Variants in IMMP2L observed in about 807,000 individuals in gnomAD.
IMMP2L encodes mitochondrial inner membrane protease subunit 2.
In IMMP2L, 18 loss-of-function variants were observed where a neutral mutation model predicts 19.3. That is an observed-to-expected ratio of 0.93 (90% CI 0.64 to 1.38). IMMP2L has a LOEUF of 1.38. Ranked by LOEUF, IMMP2L falls within the 40% of genes most tolerant of loss-of-function variation. The pLI, the probability that IMMP2L is intolerant of heterozygous loss-of-function variation, is 0.00. For synonymous variants in IMMP2L, 76 were observed against 73.0 expected (o/e 1.04, Z -0.21); for missense variants, 233 against 218.2 (o/e 1.07, Z -0.43).
intron 3 of IMMP2L, among the ~76,000 whole-genome samples, chr7:111,280,931 G>A (rs931812075): frequency 7.2e-5 from 11 of 151,742 alleles, no homozygotes; most frequent in Admixed American, 4.6e-4. Flanking sequence ...TTAGCCAGGC[G>A]TGGTGGCAGG....
At chr7:111,043,295 G>A (rs1187279108) in intron 3 of IMMP2L, among the ~76,000 whole-genome samples, 2 of 152,164 alleles carry the variant, frequency 1.3e-5, no homozygotes, top group Non-Finnish European at 2.9e-5. Context: ...TTTTAAAAGT[G>A]TTAATACAGT....
At chr7:110,967,515 T>C (rs754591268) in intron 3 of IMMP2L, among the ~76,000 whole-genome samples, 31 of 152,176 alleles carry the variant, frequency 2.0e-4, no homozygotes, top group Non-Finnish European at 4.0e-4. Flanking sequence ...GATTTTTATA[T>C]TCATATGGTT....
intron 3 of IMMP2L, among the ~76,000 whole-genome samples, chr7:111,198,823 T>C (rs535324741): frequency 2.0e-5 from 3 of 152,332 alleles, no homozygotes; most frequent in Non-Finnish European, 1.5e-5. Flanking sequence ...CCTTGTCATA[T>C]CTTTCTCTTT....
intron 5 of IMMP2L, among the ~76,000 whole-genome samples, chr7:110,784,033 G>A (rs1799909817): frequency 6.6e-6 from 1 of 151,760 alleles, no homozygotes; most frequent in African/African-American, 2.4e-5. Context: ...TTCTTCAGAA[G>A]GACCTTAGTG....
intron 1 of IMMP2L, among the ~76,000 whole-genome samples, chr7:111,538,395 G>A (rs1343985331): frequency 1.3e-5 from 2 of 152,072 alleles, no homozygotes; most frequent in Non-Finnish European, 2.9e-5. Flanking sequence ...ACACACAAAT[G>A]ACTGTCTCCA....
chr7:111,514,203 A>T (rs889724020), intron 2 of IMMP2L, among the ~76,000 whole-genome samples: 1 of 152,126 alleles, frequency 6.6e-6, no homozygotes, highest in African/African-American at 2.4e-5. Flanking sequence ...ACCAAAAAGA[A>T]GGTAACTATA....
chr7:110,802,308 AGTGTGTAT>A (rs893819781), intron 5 of IMMP2L, among the ~76,000 whole-genome samples: 23 of 135,552 alleles, frequency 1.7e-4, no homozygotes, highest in Admixed American at 4.8e-4. Context: ...TTTTAAAGAC[AGTGTGTAT>A]GTGTGTATGT....
At chr7:110,903,687 G>T (rs1014223643) in intron 4 of IMMP2L, among the ~76,000 whole-genome samples, 21 of 152,052 alleles carry the variant, frequency 1.4e-4, no homozygotes, top group Admixed American at 1.0e-3. Flanking sequence ...TCTATATGCT[G>T]TCTGATGTGA....
chr7:111,072,223 A>G (rs971082957), intron 3 of IMMP2L, among the ~76,000 whole-genome samples: 8 of 152,248 alleles, frequency 5.3e-5, no homozygotes, highest in African/African-American at 1.9e-4. Context: ...ATCATTTTAC[A>G]ACATCATAAT....
intron 3 of IMMP2L, among the ~76,000 whole-genome samples, chr7:111,127,615 C>T (rs1801444378): frequency 6.6e-6 from 1 of 152,122 alleles, no homozygotes; most frequent in African/African-American, 2.4e-5. Context: ...TTCATACTCT[C>T]TCTGTTACCT....
chr7:111,167,027 C>T (rs967409255), intron 3 of IMMP2L, among the ~76,000 whole-genome samples: 1 of 151,948 alleles, frequency 6.6e-6, no homozygotes, highest in African/African-American at 2.4e-5. Context: ...GGCAGGTCAC[C>T]ATTCAACCCA....
intron 3 of IMMP2L, among the ~76,000 whole-genome samples, chr7:111,420,876 T>A (rs755366196): frequency 2.0e-5 from 3 of 151,878 alleles, no homozygotes; most frequent in African/African-American, 7.3e-5. Context: ...TACGTGTGCA[T>A]GTGCCTTTAT....
chr7:110,862,123 A>T (rs1313580826), intron 5 of IMMP2L, among the ~76,000 whole-genome samples: 1 of 152,044 alleles, frequency 6.6e-6, no homozygotes, highest in African/African-American at 2.4e-5. Flanking sequence ...CACATATTAC[A>T]CTCATATATA....
rs148514230 is a variant in IMMP2L, at chr7:111,267,932, G to A, written c.239+219306C>T. On this transcript the variant is annotated intron_variant, in intron 3 of 5. Transcript: ENST00000405709. ...ACAGAGTATCTTTTTCAAAGAAGAA[G>A]TAGTAAATTCTGGCCCATTCATGCC... 1.5e-3 allele frequency among the ~76,000 whole-genome samples: 227 copies of A among 152,196 alleles called. 7 individuals carry two copies. The East Asian group carries it at 0.03, about 20-fold the overall frequency.
At chr7:111,475,244 A>G (rs1339303643) in intron 3 of IMMP2L, among the ~76,000 whole-genome samples, 1 of 152,096 alleles carries the variant, frequency 6.6e-6, no homozygotes, top group Non-Finnish European at 1.5e-5. Flanking sequence ...ATGGAAATAA[A>G]CAATTTTTTT....
chr7:110,752,223 C>A (rs1050613139), intron 5 of IMMP2L, among the ~76,000 whole-genome samples: 4 of 151,934 alleles, frequency 2.6e-5, no homozygotes, highest in Non-Finnish European at 4.4e-5. Flanking sequence ...GATATATAAT[C>A]TCTTCTGGTT....
At chr7:110,755,520 C>T (rs147244354) in intron 5 of IMMP2L, among the ~76,000 whole-genome samples, 8 of 152,054 alleles carry the variant, frequency 5.3e-5, no homozygotes, top group South Asian at 2.1e-4. Flanking sequence ...TATAGCATCA[C>T]GTATTTATAG....
At chr7:111,265,384 C>T (rs1283373060) in intron 3 of IMMP2L, among the ~76,000 whole-genome samples, 1 of 152,146 alleles carries the variant, frequency 6.6e-6, no homozygotes, top group South Asian at 2.1e-4. Flanking sequence ...CTCTGATTCT[C>T]AATGGAATCT....
chr7:111,207,500 T>C (rs989976736), intron 3 of IMMP2L, among the ~76,000 whole-genome samples: 1 of 151,766 alleles, frequency 6.6e-6, no homozygotes, highest in Non-Finnish European at 1.5e-5. Context: ...AGATAGAGGC[T>C]TGCTTTCTTT....
Sources: gnomAD v4.1 joint callset for allele counts (sites outside exome capture counted in the v4.1 genomes callset) on GRCh38, gnomAD v4.1.1 for gene constraint, MANE v1.5 for transcripts, NCBI Gene and HGNC (gene_info 2026-07-23, HGNC 2026-07-21) for gene names.